INSL6: variants seen among roughly 807,000 people sequenced by gnomAD.
INSL6 encodes the protein insulin-like peptide INSL6.
INSL6 carries 16 observed loss-of-function variants against 9.4 expected under a neutral mutation model. That is an observed-to-expected ratio of 1.70 (90% CI 1.15 to 2.59). The LOEUF (loss-of-function observed/expected upper bound fraction) is 2.59. INSL6 is among the 30% of genes most tolerant of loss of function. The pLI is 0.00. For missense variants in INSL6, 391 were observed against 257.3 expected (o/e 1.52, Z -3.56); for synonymous variants, 154 against 96.9 (o/e 1.59, Z -3.46).
the INSL6 span, chr9:5,085,275 T>C: frequency 8.6e-6 from 6 of 696,830 alleles, no homozygotes; most frequent in Admixed American, 1.1e-4. Flanking sequence ...CAGCTGATGT[T>C]GGTTTGCCTA....
chr9:5,025,723 G>C, the INSL6 span, among the ~76,000 whole-genome samples: 1 of 151,970 alleles, frequency 6.6e-6, no homozygotes, highest in Non-Finnish European at 1.5e-5. Context: ...GGTAGAGACG[G>C]GGTTTGCCAT....
chr9:5,072,614 A>C, the INSL6 span: 1 of 1,605,420 alleles, frequency 6.2e-7, no homozygotes, highest in South Asian at 1.1e-5. Flanking sequence ...AAGCACACAG[A>C]AACTATTCAG....
At chr9:5,085,936 C>T in the INSL6 span, 10 of 1,112,044 alleles carry the variant, frequency 9.0e-6, no homozygotes, top group African/African-American at 1.1e-4. Context: ...TCTCTCCAAC[C>T]GAGTTTGAAA....
At chr9:5,005,768 G>A in the INSL6 span, among the ~76,000 whole-genome samples, 2 of 152,122 alleles carry the variant, frequency 1.3e-5, no homozygotes, top group Non-Finnish European at 2.9e-5. Flanking sequence ...AAATTTACCA[G>A]CAAAGTCACT....
chr9:5,152,747 G>A (rs1192418207), intron 2 of INSL6, among the ~76,000 whole-genome samples: 3 of 152,212 alleles, frequency 2.0e-5, no homozygotes, highest in African/African-American at 7.2e-5. Context: ...AAAAGACCAA[G>A]AGTTGCTGGT....
the INSL6 span, among the ~76,000 whole-genome samples, chr9:5,014,496 A>G: frequency 1.3e-5 from 2 of 152,214 alleles, no homozygotes; most frequent in African/African-American, 2.4e-5. Context: ...GTACAAGACA[A>G]TGAGCAAAAT....
At chr9:5,124,200 A>AT (rs1181325881) in exon 4 of INSL6, among the ~76,000 whole-genome samples, 4 of 151,618 alleles carry the variant, frequency 2.6e-5, no homozygotes, top group Non-Finnish European at 5.9e-5. Context: ...CTATGCTGAA[A>AT]TTTTTTAGCT....
At chr9:5,103,298 C>G in the INSL6 span, among the ~76,000 whole-genome samples, 1 of 122,072 alleles carries the variant, frequency 8.2e-6, no homozygotes, top group Non-Finnish European at 1.6e-5. Context: ...AGACTTTAAG[C>G]CAACAAAGAT....
the INSL6 span, among the ~76,000 whole-genome samples, chr9:4,992,979 A>G: frequency 6.6e-6 from 1 of 152,114 alleles, no homozygotes; most frequent in Non-Finnish European, 1.5e-5. Flanking sequence ...CACCCAACCC[A>G]TATAAATTGC....
At chr9:5,115,503 C>CA in the INSL6 span, among the ~76,000 whole-genome samples, 9 of 152,276 alleles carry the variant, frequency 5.9e-5, no homozygotes, top group Non-Finnish European at 1.0e-4. Flanking sequence ...GACAGTGTGG[C>CA]AATTCCTCCA....
chr9:5,144,684 T>C (rs1014746839), intron 2 of INSL6, among the ~76,000 whole-genome samples: 2 of 152,238 alleles, frequency 1.3e-5, no homozygotes, highest in African/African-American at 4.8e-5. Flanking sequence ...ATATTTAGGA[T>C]AGTTCCATTT....
chr9:5,000,033 T>C, the INSL6 span, among the ~76,000 whole-genome samples: 1 of 152,246 alleles, frequency 6.6e-6, no homozygotes, highest in Non-Finnish European at 1.5e-5. Context: ...TCTCTGATTC[T>C]TAATTATGTT....
chr9:5,136,543 A>C (rs1824389939), intron 2 of INSL6, among the ~76,000 whole-genome samples: 1 of 152,240 alleles, frequency 6.6e-6, no homozygotes, highest in Non-Finnish European at 1.5e-5. Context: ...CAATAGATGC[A>C]GAAAAGGCCT....
At chr9:5,054,058 T>C in the INSL6 span, among the ~76,000 whole-genome samples, 47 of 152,170 alleles carry the variant, frequency 3.1e-4, no homozygotes, top group African/African-American at 1.0e-3. This position sits in a 1 kb window ranked among gnomAD's most constrained non-coding sequence, Gnocchi z 4.9. Flanking sequence ...AAAGGAATTA[T>C]TAGGAGTTGA....
the INSL6 span, among the ~76,000 whole-genome samples, chr9:5,052,242 GATTGT>G: frequency 6.6e-6 from 1 of 152,104 alleles, no homozygotes; most frequent in African/African-American, 2.4e-5. Flanking sequence ...TTTCTATGTA[GATTGT>G]AGTTTCTTCC....
the INSL6 span, among the ~76,000 whole-genome samples, chr9:5,073,084 A>G: frequency 6.6e-6 from 1 of 152,236 alleles, no homozygotes; most frequent in Non-Finnish European, 1.5e-5. Context: ...AGAGCTCTGA[A>G]CATAGCAAGA....
At chr9:5,067,212 C>G in the INSL6 span, among the ~76,000 whole-genome samples, 1 of 151,908 alleles carries the variant, frequency 6.6e-6, no homozygotes. Context: ...AAAACTAGGT[C>G]AATAACAAAC....
chr9:5,108,089 T>A, the INSL6 span: 1 of 152,152 alleles, frequency 6.6e-6, no homozygotes, highest in African/African-American at 2.4e-5. Flanking sequence ...TCACTAGTTT[T>A]CTCTTCTGAT....
chr9:5,112,956 T>A, the INSL6 span: 2 of 209,124 alleles, frequency 9.6e-6, no homozygotes, highest in Admixed American at 1.2e-4. Flanking sequence ...CTCACACAAC[T>A]GTTGTCAGCA....
Sources: gnomAD v4.1 joint callset for allele counts (sites outside exome capture counted in the v4.1 genomes callset) on GRCh38, gnomAD v4.1.1 for gene constraint, Gnocchi (gnomAD v3.1) non-coding constraint, MANE v1.5 for transcripts, NCBI Gene and HGNC (gene_info 2026-07-23, HGNC 2026-07-21) for gene names.